Variants in POLH observed in about 807,000 individuals in gnomAD.
The protein encoded by POLH is DNA polymerase eta transcript.
In POLH, 53 loss-of-function variants were observed where a neutral mutation model predicts 73.6. The observed-to-expected ratio is 0.72, with a 90% CI of 0.58 to 0.91. POLH has a LOEUF of 0.91. Ranked by LOEUF, POLH falls within the 40% of genes least tolerant of loss-of-function variation. POLH has a pLI of 0.00. For synonymous variants in POLH, 292 were observed against 308.5 expected (o/e 0.95, Z 0.56); for missense variants, 768 against 865.4 (o/e 0.89, Z 1.41).
At position 43,619,219 on chromosome 6, in the gene POLH, A is replaced by C. The variant is rs895612677; in HGVS notation, c.*4662A>C. 1.3e-5 allele frequency among the ~76,000 whole-genome samples: 2 copies of C among 151,990 alleles called. No homozygotes were observed. The highest frequency in any genetic ancestry group is 4.8e-5 in the African/African-American group (2 of 41,382). On this transcript the variant is annotated 3_prime_UTR_variant, in exon 11 of 11. Transcript: ENST00000372236. ...TGGCAAAACAGTCTTTACAAAAAAT[A>C]CAAAGATGGTGGCTTATGCCTGTAG...
Position 43,597,596 on chromosome 6 carries a change from T to C in POLH, c.491-100T>C, listed in dbSNP as rs932060058. The C allele has an allele frequency of 9.6e-6, 11 of 1,145,884 alleles. No individual in the cohort carries two copies. In the East Asian group the frequency reaches 2.1e-4, roughly 21 times the overall value. 71.0% of individuals were successfully genotyped at this position (1,145,884 alleles called of 1,614,324 possible). A position where few individuals can be genotyped will look rare whatever the true frequency, so the allele number is the denominator to read the frequency against. ...GCTGCCATTTTTTTGTGAAAACTTA[T>C]ATGTCTAAATACCTGTAATCTAAGC... is the stretch of plus-strand genomic sequence containing the variant. On this transcript the variant is annotated intron_variant, in intron 4 of 10. Transcript: ENST00000372236.
chr6:43,577,515 G>A lies in POLH; in HGVS notation c.-5+1075G>A, dbSNP rs942361753. Among the ~76,000 whole-genome samples the A allele has an allele frequency of 5.3e-5, 8 of 152,240 alleles. No homozygotes were observed. The East Asian group carries it at 1.3e-3, about 26-fold the overall frequency. On this transcript the variant is annotated intron_variant, in intron 1 of 10. Transcript: ENST00000372236. ...GTATCACATTCTGCCTGTTTTAGGC[G>A]TGGTCGATTGGAATTTATAAGGAAT...
intron 1 of POLH, among the ~76,000 whole-genome samples, chr6:43,580,836 C>T (rs1168720349): frequency 1.1e-4 from 15 of 139,006 alleles, no homozygotes; most frequent in South Asian, 4.6e-4. Context: ...CCAGTAGGGG[C>T]GGCCGGGCAG....
At chr6:43,601,612 G>GAT (rs1015977383) in intron 6 of POLH, among the ~76,000 whole-genome samples, 1 of 152,080 alleles carries the variant, frequency 6.6e-6, no homozygotes, top group African/African-American at 2.4e-5. Flanking sequence ...ATCTGTGGCA[G>GAT]ATACTTAATC....
At chr6:43,580,183 C>G (rs868599226) in intron 1 of POLH, among the ~76,000 whole-genome samples, 43 of 146,094 alleles carry the variant, frequency 2.9e-4, no homozygotes, top group African/African-American at 1.1e-3. Flanking sequence ...CCATTTAACC[C>G]TGAGTGGACA....
intron 4 of POLH, chr6:43,588,199 T>C (rs1369657276): frequency 6.4e-6 from 1 of 156,736 alleles, no homozygotes; most frequent in Non-Finnish European, 1.4e-5. Flanking sequence ...TTCTAATCAC[T>C]TCTTAGCACA....
In POLH at chr6:43,603,915, G is replaced by T. The variant is rs1413703153; in HGVS notation, c.788G>T (p.Gly263Val). 8 of 1,613,324 alleles carry T rather than the reference G, an allele frequency of 5.0e-6. No homozygotes were observed. The highest frequency in any genetic ancestry group is 6.8e-6 in the Non-Finnish European group (8 of 1,179,452). ...RKIRSLGGKLGASVIEILGIE... is the reference protein window; with the variant it reads ...RKIRSLGGKLVASVIEILGIE... ...AGCCGTAGTCTTGGAGGAAAGCTAG[G>T]GGCCTCTGTCATTGAGATCCTAGGG... The change falls in exon 7 of 11, where the codon GGG (glycine) becomes GTG (valine). Residue 263 changes from glycine to valine, a missense_variant. Physicochemically the swap from Gly to Val is moderately radical, Grantham distance 109. Transcript: ENST00000372236.
chr6:43,583,927 C>G (rs1764537259), intron 3 of POLH, among the ~76,000 whole-genome samples: 3 of 152,070 alleles, frequency 2.0e-5, no homozygotes, highest in Non-Finnish European at 2.9e-5. Context: ...AGGACACCAG[C>G]CTGGGCAACA....
At chr6:43,599,353 T>C (rs1766475809) in intron 5 of POLH, among the ~76,000 whole-genome samples, 1 of 152,206 alleles carries the variant, frequency 6.6e-6, no homozygotes, top group Non-Finnish European at 1.5e-5. Flanking sequence ...TGCTTTTGCC[T>C]ATTCCCTGTT....
At chr6:43,606,541 G>C (rs1234036304) in intron 9 of POLH, among the ~76,000 whole-genome samples, 2 of 151,836 alleles carry the variant, frequency 1.3e-5, no homozygotes, top group Non-Finnish European at 2.9e-5. Flanking sequence ...CGATTCTCCT[G>C]TCTCAGCCTC....
In POLH at chr6:43,614,351, G is replaced by A. The variant is rs772437063; in HGVS notation, c.1936G>A (p.Asp646Asn). The A allele has an allele frequency of 6.2e-7, 1 of 1,612,598 alleles. No homozygotes were observed. Among genetic ancestry groups the A allele is most frequent in the Admixed American group, 1.7e-5 (1 of 59,978 alleles). The change falls in exon 11 of 11, where the codon GAT (aspartate) becomes AAT (asparagine). Residue 646 changes from aspartate to asparagine, a missense_variant. Physicochemically the swap from Asp to Asn is conservative, Grantham distance 23 (BLOSUM62 1). Coordinates refer to ENST00000372236, the MANE Select transcript of POLH (RefSeq NM_006502.3). ...EKCGSLVPVW[D>N]MPEHMDYHFA... The stretch of plus-strand genomic sequence containing the variant: ...GTGTGGCTCCCTGGTACCGGTATGG[G>A]ATATGCCAGAACACATGGACTATCA...
chr6:43,588,312 A>G (rs933257181), intron 4 of POLH: 9 of 152,092 alleles, frequency 5.9e-5, no homozygotes, highest in African/African-American at 2.2e-4. Context: ...ACCCTCTTGT[A>G]CCCACAGATA....
intron 1 of POLH, chr6:43,578,338 G>A: frequency 2.6e-6 from 1 of 392,048 alleles, no homozygotes; most frequent in Non-Finnish European, 5.0e-6. Flanking sequence ...AGTGAGCCGA[G>A]ACTGTGCCAT....
At chr6:43,590,185 C>T (rs1315059346) in intron 4 of POLH, among the ~76,000 whole-genome samples, 7 of 151,620 alleles carry the variant, frequency 4.6e-5, no homozygotes, top group South Asian at 2.1e-4. Context: ...GGTGAAACTT[C>T]GTCTTTACCG....
Position 43,603,972 on chromosome 6 carries a change from C to T in POLH, c.845C>T (p.Thr282Ile). The change falls in exon 7 of 11, where the codon ACT (threonine) becomes ATT (isoleucine). Residue 282 changes from threonine (T) to isoleucine (I), a missense_variant. By Grantham distance (89) the Thr-to-Ile change is moderately conservative. Transcript: ENST00000372236. ...IEYMGELTQFTESQLQSHFGE... is the reference protein window; with the variant it reads ...IEYMGELTQFIESQLQSHFGE... ...TACATGGGTGAACTGACCCAGTTCA[C>T]TGAATCCCAGCTCCAGAGTCATTTT... The T allele has an allele frequency of 6.2e-7, 1 of 1,613,238 alleles. No homozygotes were observed. The highest frequency in any genetic ancestry group is 8.5e-7 in the Non-Finnish European group (1 of 1,179,164).
chr6:43,596,432 G>C (rs1266827007), intron 4 of POLH, among the ~76,000 whole-genome samples: 1 of 149,604 alleles, frequency 6.7e-6, no homozygotes, highest in African/African-American at 2.5e-5. Context: ...GCAGTGAGGC[G>C]AGATCATGCC....
chr6:43,590,465 G>GTTT (rs1561901892), intron 4 of POLH, among the ~76,000 whole-genome samples: 3 of 149,442 alleles, frequency 2.0e-5, no homozygotes, highest in African/African-American at 7.4e-5. Flanking sequence ...TTTTTGTTTT[G>GTTT]GTTTTTGTTT....
In POLH at chr6:43,583,083, T is replaced by C. The variant is rs758211914; in HGVS notation, c.214T>C (p.Cys72Arg). Reference sequence around the variant, plus strand: ...GTGGGCAGATGATGCTAAGAAGTTATGTCCAGATCTTCTACTGGCACAAGT... The same window carrying C: ...GTGGGCAGATGATGCTAAGAAGTTACGTCCAGATCTTCTACTGGCACAAGT... ...SMWADDAKKL[C>R]PDLLLAQVRE... Residue 72 changes from cysteine (C) to arginine (R), a missense_variant, in exon 3 of 11, where the codon TGT (cysteine) becomes CGT (arginine). By Grantham distance (180) the Cys-to-Arg change is radical (BLOSUM62 -3). Coordinates refer to ENST00000372236, the MANE Select transcript of POLH (RefSeq NM_006502.3). 1.5e-5 allele frequency: 25 copies of C among 1,613,946 alleles called. No homozygotes were observed. The highest frequency in any genetic ancestry group is 2.2e-5 in the East Asian group (1 of 44,884).
intron 1 of POLH, among the ~76,000 whole-genome samples, chr6:43,580,850 C>T (rs1295761962): frequency 8.3e-5 from 12 of 144,248 alleles, no homozygotes; most frequent in Admixed American, 3.4e-4. Flanking sequence ...CGGGCAGAGG[C>T]GCCCCTCACC....
Sources: gnomAD v4.1 joint callset for allele counts (sites outside exome capture counted in the v4.1 genomes callset) on GRCh38, gnomAD v4.1.1 for gene constraint, MANE v1.5 for transcripts, NCBI Gene and HGNC (gene_info 2026-07-23, HGNC 2026-07-21) for gene names.